The following GPC6 variants were observed in gnomAD, a reference collection of about 807,000 sequenced individuals.
The protein encoded by GPC6 is glypican-6.
Under a neutral mutation model 55.2 loss-of-function variants are expected in GPC6, and 14 were observed. The ratio of observed to expected loss-of-function variants is 0.25; its 90% CI spans 0.17 to 0.40. The LOEUF (loss-of-function observed/expected upper bound fraction) is 0.40, where lower values mean the gene tolerates loss of function less well. GPC6 is among the 10% of genes least tolerant of loss of function. The pLI is 1.00. For synonymous variants in GPC6, 278 were observed against 259.6 expected, an observed-to-expected ratio of 1.07 and a Z score of -0.68; for missense variants, 641 against 708.5, an observed-to-expected ratio of 0.90 and a Z score of 1.08.
At chr13:93,304,965 T>C (rs1244757056) in intron 1 of GPC6, among the ~76,000 whole-genome samples, 4 of 152,190 alleles carry the variant, frequency 2.6e-5, no homozygotes, top group Non-Finnish European at 5.9e-5. Context: ...CTTTATTCTA[T>C]CCTCCAGCCT....
At chr13:93,549,809 C>T (rs1187000117) in intron 2 of GPC6, among the ~76,000 whole-genome samples, 5 of 152,114 alleles carry the variant, frequency 3.3e-5, no homozygotes, top group Non-Finnish European at 1.5e-5. Context: ...GTCCAGCCCT[C>T]AAGGAATCTG....
At chr13:93,931,572 T>TG (rs1163017308) in intron 3 of GPC6, among the ~76,000 whole-genome samples, 10 of 151,974 alleles carry the variant, frequency 6.6e-5, no homozygotes, top group Non-Finnish European at 1.5e-4. Flanking sequence ...GAGACCAGCC[T>TG]GACCAACATG....
At chr13:93,539,365 C>A (rs544141121) in intron 1 of GPC6, among the ~76,000 whole-genome samples, 1 of 152,048 alleles carries the variant, frequency 6.6e-6, no homozygotes, top group Non-Finnish European at 1.5e-5. Flanking sequence ...GAAAGATGAT[C>A]GGGAATACCC....
At chr13:93,434,054 G>C (rs1265452752) in intron 1 of GPC6, among the ~76,000 whole-genome samples, 1 of 152,066 alleles carries the variant, frequency 6.6e-6, no homozygotes, top group Non-Finnish European at 1.5e-5. Context: ...TTAAATGAAG[G>C]GGTCCAAAGC....
intron 2 of GPC6, among the ~76,000 whole-genome samples, chr13:93,646,336 A>G (rs1880168994): frequency 6.6e-6 from 1 of 152,132 alleles, no homozygotes; most frequent in Non-Finnish European, 1.5e-5. Flanking sequence ...TTATAAAGTG[A>G]AGACGTTTTC....
chr13:93,885,802 A>G (rs553660983), intron 3 of GPC6, among the ~76,000 whole-genome samples: 1 of 152,336 alleles, frequency 6.6e-6, no homozygotes, highest in Admixed American at 6.5e-5. Flanking sequence ...ATCTCTTTAT[A>G]TAAATTTCAG....
chr13:93,929,407 G>A (rs937352933), intron 3 of GPC6, among the ~76,000 whole-genome samples: 38 of 152,014 alleles, frequency 2.5e-4, no homozygotes, highest in African/African-American at 8.9e-4. Flanking sequence ...TGTTAATGCC[G>A]TCATCCTCAA....
chr13:93,247,722 T>C (rs2139023884), intron 1 of GPC6, among the ~76,000 whole-genome samples: 1 of 152,332 alleles, frequency 6.6e-6, no homozygotes, highest in East Asian at 1.9e-4. Flanking sequence ...AAATCATATG[T>C]CATCAACAAC....
At chr13:93,881,180 C>T (rs1235574729) in intron 3 of GPC6, among the ~76,000 whole-genome samples, 3 of 152,048 alleles carry the variant, frequency 2.0e-5, no homozygotes, top group African/African-American at 7.2e-5. Flanking sequence ...GTGTGGGGTG[C>T]ACTGGTGAGA....
intron 7 of GPC6, among the ~76,000 whole-genome samples, chr13:94,384,404 G>T (rs1235807764): frequency 1.3e-5 from 2 of 152,184 alleles, no homozygotes; most frequent in Admixed American, 1.3e-4. Context: ...AAAATGCTTG[G>T]TTTTTTGAGC....
intron 4 of GPC6, among the ~76,000 whole-genome samples, chr13:94,162,880 C>T (rs1374843629): frequency 6.6e-6 from 1 of 152,020 alleles, no homozygotes; most frequent in Non-Finnish European, 1.5e-5. Flanking sequence ...ATTTAATTTT[C>T]TTTAATGACA....
At chr13:93,279,189 A>G (rs1877863526) in intron 1 of GPC6, among the ~76,000 whole-genome samples, 1 of 152,150 alleles carries the variant, frequency 6.6e-6, no homozygotes, top group Non-Finnish European at 1.5e-5. Flanking sequence ...GAAGCTTCTG[A>G]CACAGATTGC....
At chr13:94,211,168 T>C (rs1890065370) in intron 4 of GPC6, among the ~76,000 whole-genome samples, 2 of 152,214 alleles carry the variant, frequency 1.3e-5, no homozygotes, top group Admixed American at 1.3e-4. Flanking sequence ...GTTTTGTTTT[T>C]TGTTTTGTTT....
Position 93,854,232 on chromosome 13 carries a change from G to GT in GPC6, c.711+23690dup, listed in dbSNP as rs1888519555. On this transcript the variant is annotated intron_variant, in intron 3 of 8. Transcript: ENST00000377047. ...CTCTTTCATAAACACTGAGTGAGCA[G>GT]TTTGGGGAACAGCAATAATCTTTTT... Among the ~76,000 whole-genome samples the GT allele has an allele frequency of 2.6e-5, 4 of 151,738 alleles. No homozygotes were observed. In the South Asian group the frequency reaches 8.3e-4, roughly 32 times the overall value.
intron 2 of GPC6, among the ~76,000 whole-genome samples, chr13:93,612,109 TATA>T (rs1020164871): frequency 2.6e-5 from 4 of 152,176 alleles, no homozygotes; most frequent in Admixed American, 2.6e-4. Flanking sequence ...ATGCAAAATA[TATA>T]ATACCTCCCA....
chr13:93,766,059 G>A (rs748678705), intron 2 of GPC6, among the ~76,000 whole-genome samples: 2 of 152,134 alleles, frequency 1.3e-5, no homozygotes, highest in Non-Finnish European at 2.9e-5. Context: ...TGGGTGTTCT[G>A]ATATTTTGGT....
intron 1 of GPC6, among the ~76,000 whole-genome samples, chr13:93,442,009 G>T (rs1877822935): frequency 6.6e-6 from 1 of 152,166 alleles, no homozygotes; most frequent in African/African-American, 2.4e-5. Flanking sequence ...GAACGATCTG[G>T]ATTTTAAACA....
chr13:93,813,719 A>T (rs1342678751), intron 2 of GPC6, among the ~76,000 whole-genome samples: 1 of 151,890 alleles, frequency 6.6e-6, no homozygotes, highest in Non-Finnish European at 1.5e-5. Context: ...GATGTTAAAT[A>T]ACTTTTTACA....
intron 3 of GPC6, among the ~76,000 whole-genome samples, chr13:93,893,568 T>C (rs1875820577): frequency 6.6e-6 from 1 of 152,122 alleles, no homozygotes; most frequent in Admixed American, 6.6e-5. Flanking sequence ...TGTGTTCAAG[T>C]TGTCCAATCA....
Sources: gnomAD v4.1 joint callset for allele counts (sites outside exome capture counted in the v4.1 genomes callset) on GRCh38, gnomAD v4.1.1 for gene constraint, MANE v1.5 for transcripts, NCBI Gene and HGNC (gene_info 2026-07-23, HGNC 2026-07-21) for gene names.